The following ZNF521 variants were observed in gnomAD, a reference collection of about 807,000 sequenced individuals.
ZNF521 encodes the protein zinc finger protein 521, also known as LYST-interacting protein 3.
ZNF521 carries 14 observed loss-of-function variants against 105.5 expected under a neutral mutation model. That is an observed-to-expected ratio of 0.13 (90% CI 0.09 to 0.21). ZNF521 has a LOEUF of 0.21. ZNF521 is among the 10% of genes least tolerant of loss of function. The pLI, the probability that ZNF521 is intolerant of heterozygous loss-of-function variation, is 1.00. For synonymous variants in ZNF521, 635 were observed against 606.0 expected (o/e 1.05, Z -0.70); for missense variants, 1,233 against 1,629.7 (o/e 0.76, Z 4.19).
intron 3 of ZNF521, among the ~76,000 whole-genome samples, chr18:25,286,298 A>C (rs755811556): frequency 6.6e-6 from 1 of 152,220 alleles, no homozygotes; most frequent in African/African-American, 2.4e-5. Context: ...TCTCTGAAAA[A>C]CTGATGGGGC....
At chr18:25,152,967 A>AC (rs1268691194) in intron 5 of ZNF521, among the ~76,000 whole-genome samples, 3 of 152,108 alleles carry the variant, frequency 2.0e-5, no homozygotes, top group African/African-American at 7.2e-5. Context: ...GACCCGAAAT[A>AC]CCCCCCAAAC....
At chr18:25,076,682 A>G (rs1395368627) in intron 7 of ZNF521, among the ~76,000 whole-genome samples, 5 of 152,208 alleles carry the variant, frequency 3.3e-5, no homozygotes, top group African/African-American at 1.2e-4. Context: ...TGGAGTTGGC[A>G]ATTGCATGAT....
At chr18:25,240,052 C>T (rs763386853) in intron 3 of ZNF521, among the ~76,000 whole-genome samples, 4 of 151,848 alleles carry the variant, frequency 2.6e-5, no homozygotes, top group Non-Finnish European at 5.9e-5. Context: ...ACTCTATTGT[C>T]GTTCAGGGCT....
At chr18:25,328,061 T>C (rs1232391999) in intron 2 of ZNF521, among the ~76,000 whole-genome samples, 1 of 152,232 alleles carries the variant, frequency 6.6e-6, no homozygotes, top group African/African-American at 2.4e-5. Context: ...CTGCAATGTT[T>C]ATTTTCTAAC....
At chr18:25,299,984 G>C (rs1911540735) in intron 3 of ZNF521, among the ~76,000 whole-genome samples, 1 of 152,106 alleles carries the variant, frequency 6.6e-6, no homozygotes, top group South Asian at 2.1e-4. Context: ...TCTCAAATCT[G>C]AGCTGGATTG....
chr18:25,320,266 G>A (rs1031785699), intron 3 of ZNF521, among the ~76,000 whole-genome samples: 4 of 152,028 alleles, frequency 2.6e-5, no homozygotes, highest in South Asian at 2.1e-4. Flanking sequence ...TCTGCCTCCC[G>A]GGTTCAAGCA....
At chr18:25,068,934 A>C (rs2144115123) in intron 7 of ZNF521, among the ~76,000 whole-genome samples, 1 of 152,340 alleles carries the variant, frequency 6.6e-6, no homozygotes, top group African/African-American at 2.4e-5. Flanking sequence ...AGAGTACAAA[A>C]TAAAACCCTC....
chr18:25,263,435 G>GCAA, intron 3 of ZNF521, among the ~76,000 whole-genome samples: 1 of 151,984 alleles, frequency 6.6e-6, no homozygotes, highest in African/African-American at 2.4e-5. Flanking sequence ...TTGGCTCACT[G>GCAA]CAACCTCCAC....
chr18:25,125,969 C>A (rs1333104295), intron 5 of ZNF521, among the ~76,000 whole-genome samples: 4 of 151,936 alleles, frequency 2.6e-5, no homozygotes, highest in Non-Finnish European at 4.4e-5. Flanking sequence ...TATTTGTGCA[C>A]CATATTCCCC....
chr18:25,349,258 C>G (rs1226543195), intron 2 of ZNF521, among the ~76,000 whole-genome samples: 2 of 152,294 alleles, frequency 1.3e-5, no homozygotes, highest in East Asian at 3.9e-4. Context: ...TCGGGCAAGT[C>G]TCGCCGGCGC....
At chr18:25,336,609 G>A (rs1913895272) in intron 2 of ZNF521, among the ~76,000 whole-genome samples, 1 of 152,158 alleles carries the variant, frequency 6.6e-6, no homozygotes, top group Non-Finnish European at 1.5e-5. Context: ...CGTTGGCAAA[G>A]CAAAGTTAGA....
chr18:25,239,506 A>G (rs938584449), intron 3 of ZNF521, among the ~76,000 whole-genome samples: 29 of 152,252 alleles, frequency 1.9e-4, no homozygotes, highest in Admixed American at 8.5e-4. Flanking sequence ...CCATTTCAAC[A>G]TAGAAAGAAG....
intron 4 of ZNF521, among the ~76,000 whole-genome samples, chr18:25,197,231 A>C (rs2035917650): frequency 6.6e-6 from 1 of 151,858 alleles, no homozygotes; most frequent in Admixed American, 6.6e-5. Flanking sequence ...TTTTTTATTA[A>C]CAAAGCCATA....
At chr18:25,091,924 G>A (rs770755525) in intron 6 of ZNF521, 26 bp downstream of exon 6, 1 of 1,612,064 alleles carries the variant, frequency 6.2e-7, no homozygotes, top group East Asian at 2.2e-5. Flanking sequence ...AGCCTCTCCT[G>A]TGTCTTCCTG....
At chr18:25,092,205 T>C in intron 5 of ZNF521, 124 bp from the exon 6 acceptor site, 5 of 1,089,280 alleles carry the variant, frequency 4.6e-6, no homozygotes, top group South Asian at 1.8e-5. Context: ...TGTAGTATTA[T>C]ATATGGTTTC....
chr18:25,260,120 G>T (rs796102537), intron 3 of ZNF521, among the ~76,000 whole-genome samples: 19 of 152,230 alleles, frequency 1.2e-4, no homozygotes, highest in African/African-American at 4.3e-4. Flanking sequence ...AACTGATTTG[G>T]TTCCAAGACA....
chr18:25,318,161 C>T (rs1912742910), intron 3 of ZNF521, among the ~76,000 whole-genome samples: 1 of 152,066 alleles, frequency 6.6e-6, no homozygotes, highest in African/African-American at 2.4e-5. Context: ...ATATACACAA[C>T]AATATGAATG....
intron 7 of ZNF521, among the ~76,000 whole-genome samples, chr18:25,081,935 A>G (rs1006676037): frequency 2.0e-5 from 3 of 152,202 alleles, no homozygotes; most frequent in African/African-American, 4.8e-5. Context: ...TCTGCCTTCA[A>G]TGGTAAGGCC....
intron 7 of ZNF521, among the ~76,000 whole-genome samples, chr18:25,065,621 TTTC>T (rs1033456004): frequency 1.3e-5 from 2 of 152,092 alleles, no homozygotes; most frequent in African/African-American, 4.8e-5. Context: ...TGGGTGTTTT[TTTC>T]TTCTTACCAA....
Sources: gnomAD v4.1 joint callset for allele counts (sites outside exome capture counted in the v4.1 genomes callset) on GRCh38, gnomAD v4.1.1 for gene constraint, MANE v1.5 for transcripts, NCBI Gene and HGNC (gene_info 2026-07-23, HGNC 2026-07-21) for gene names.